The following PCDH15 variants were observed in gnomAD, a reference collection of about 807,000 sequenced individuals.
The protein encoded by PCDH15 is protocadherin related 15, also known as protocadherin-15.
PCDH15 carries 129 observed loss-of-function variants against 178.5 expected under a neutral mutation model. That is an observed-to-expected ratio of 0.72 (90% CI 0.63 to 0.84). PCDH15 has a LOEUF of 0.84. PCDH15 is among the 40% of genes least tolerant of loss of function. The pLI, the probability that PCDH15 is intolerant of heterozygous loss-of-function variation, is 0.00. For synonymous variants in PCDH15, 800 were observed against 732.0 expected (o/e 1.09, Z -1.50); for missense variants, 2,230 against 2,099.9 (o/e 1.06, Z -1.21).
chr10:54,509,917 C>T (rs1258469871), intron 3 of PCDH15, among the ~76,000 whole-genome samples: 1 of 152,148 alleles, frequency 6.6e-6, no homozygotes, highest in Non-Finnish European at 1.5e-5. Flanking sequence ...CTTCCACATG[C>T]CGATCATGCA....
At chr10:54,505,821 T>C (rs2081121132) in intron 3 of PCDH15, among the ~76,000 whole-genome samples, 1 of 152,136 alleles carries the variant, frequency 6.6e-6, no homozygotes, top group Admixed American at 6.6e-5. Context: ...AAAGACGTTT[T>C]GTGTGTTTAA....
At chr10:53,960,586 G>C (rs1589634798) in intron 22 of PCDH15, among the ~76,000 whole-genome samples, 1 of 152,082 alleles carries the variant, frequency 6.6e-6, no homozygotes, top group African/African-American at 2.4e-5. Flanking sequence ...TTTACTTTAA[G>C]ACATGTTAAA....
intron 16 of PCDH15, among the ~76,000 whole-genome samples, chr10:54,088,136 C>T (rs1242439803): frequency 1.3e-5 from 2 of 152,142 alleles, no homozygotes; most frequent in Admixed American, 6.6e-5. Flanking sequence ...AGTGCAAAAA[C>T]GAACTCACAC....
intron 5 of PCDH15, among the ~76,000 whole-genome samples, chr10:54,363,335 G>A (rs376307000): frequency 1.3e-5 from 2 of 152,020 alleles, no homozygotes; most frequent in Non-Finnish European, 2.9e-5. Flanking sequence ...AAAGTTGTGG[G>A]GCTTTTTTCT....
chr10:55,314,437 C>T (rs976786079), intron 1 of PCDH15, among the ~76,000 whole-genome samples: 2 of 151,756 alleles, frequency 1.3e-5, no homozygotes, highest in Non-Finnish European at 1.5e-5. Context: ...CTCCTGAAAC[C>T]CTGGCTCTCA....
At chr10:55,501,092 T>C (rs907930857) in intron 2 of PCDH15, among the ~76,000 whole-genome samples, 4 of 151,700 alleles carry the variant, frequency 2.6e-5, no homozygotes, top group African/African-American at 9.7e-5. Context: ...TGATCAAATA[T>C]AACTTCTGTC....
intron 1 of PCDH15, among the ~76,000 whole-genome samples, chr10:55,196,401 T>G (rs952780934): frequency 2.6e-5 from 4 of 152,138 alleles, no homozygotes; most frequent in African/African-American, 9.7e-5. Flanking sequence ...TGCTAGATCT[T>G]GTTTTAAATG....
chr10:55,625,159 G>C (rs188897674), intron 2 of PCDH15, among the ~76,000 whole-genome samples: 4 of 151,864 alleles, frequency 2.6e-5, no homozygotes, highest in African/African-American at 9.7e-5. Context: ...TTTTAATAAT[G>C]CTGAAGCATT....
intron 1 of PCDH15, among the ~76,000 whole-genome samples, chr10:54,766,319 T>A (rs994684906): frequency 3.9e-5 from 6 of 152,140 alleles, no homozygotes; most frequent in African/African-American, 1.4e-4. Context: ...CATTTTAACA[T>A]CATTGCATTT....
chr10:54,468,016 T>C lies in PCDH15; in HGVS notation c.157+59796A>G, dbSNP rs867139253. The stretch of plus-strand genomic sequence containing the variant: ...TTTCAGTGCTATCAGTTGTAATGTC[T>C]CCATTTTTCTGATTTATTTGGGTCC... On this transcript the variant is annotated intron_variant, in intron 3 of 37. Transcript: ENST00000644397. Among the ~76,000 whole-genome samples, 6 of 152,038 alleles carry C rather than the reference T, an allele frequency of 3.9e-5. No homozygotes were observed. In the South Asian group the frequency reaches 1.0e-3, roughly 26 times the overall value.
At chr10:54,188,141 C>A (rs933058137) in intron 11 of PCDH15, among the ~76,000 whole-genome samples, 2 of 151,818 alleles carry the variant, frequency 1.3e-5, no homozygotes, top group African/African-American at 4.8e-5. Flanking sequence ...AAACAATGTG[C>A]ATTTGAAGTC....
intron 8 of PCDH15, among the ~76,000 whole-genome samples, chr10:54,253,438 T>C (rs960171318): frequency 6.6e-6 from 1 of 152,010 alleles, no homozygotes. Flanking sequence ...ATCGAGAATA[T>C]TGAGAAATCT....
At chr10:55,364,516 G>T (rs1845306335) in intron 2 of PCDH15, among the ~76,000 whole-genome samples, 1 of 151,772 alleles carries the variant, frequency 6.6e-6, no homozygotes, top group Non-Finnish European at 1.5e-5. Context: ...TATATCTCTG[G>T]TCTTTAGCAG....
At chr10:55,468,886 T>C (rs1839897962) in intron 2 of PCDH15, among the ~76,000 whole-genome samples, 1 of 152,176 alleles carries the variant, frequency 6.6e-6, no homozygotes, top group African/African-American at 2.4e-5. Context: ...TCACACACTG[T>C]CACCTAATTA....
intron 2 of PCDH15, among the ~76,000 whole-genome samples, chr10:55,375,197 T>C (rs1303029481): frequency 6.6e-6 from 1 of 152,128 alleles, no homozygotes; most frequent in East Asian, 1.9e-4. Flanking sequence ...ATTTTTTCTC[T>C]GCCAAAAAAG....
intron 2 of PCDH15, among the ~76,000 whole-genome samples, chr10:55,046,512 G>C (rs2131983027): frequency 6.6e-6 from 1 of 151,972 alleles, no homozygotes; most frequent in Non-Finnish European, 1.5e-5. Flanking sequence ...CCCTAATTTT[G>C]GCAAGCACAT....
intron 2 of PCDH15, among the ~76,000 whole-genome samples, chr10:54,594,667 G>A (rs1307728798): frequency 1.3e-5 from 2 of 152,192 alleles, no homozygotes; most frequent in Non-Finnish European, 2.9e-5. Context: ...CTCTTTGCCT[G>A]TACATGTGTT....
intron 35 of PCDH15, among the ~76,000 whole-genome samples, chr10:53,812,351 G>T (rs2075898006): frequency 6.6e-6 from 1 of 151,498 alleles, no homozygotes; most frequent in African/African-American, 2.4e-5. Flanking sequence ...GGGGCTACAG[G>T]CGCCCGCCAC....
At chr10:55,025,085 C>T (rs1014710170) in intron 2 of PCDH15, among the ~76,000 whole-genome samples, 1 of 152,090 alleles carries the variant, frequency 6.6e-6, no homozygotes, top group South Asian at 2.1e-4. Flanking sequence ...TCTCTAATAC[C>T]TTTTAATGTC....
Sources: gnomAD v4.1 joint callset for allele counts (sites outside exome capture counted in the v4.1 genomes callset) on GRCh38, gnomAD v4.1.1 for gene constraint, MANE v1.5 for transcripts, NCBI Gene and HGNC (gene_info 2026-07-23, HGNC 2026-07-21) for gene names.